Variants in DLG2 observed in about 807,000 individuals in gnomAD.
The protein encoded by DLG2 is disks large homolog 2.
DLG2 carries 45 observed loss-of-function variants against 132.5 expected under a neutral mutation model. The ratio of observed to expected loss-of-function variants is 0.34; its 90% CI spans 0.27 to 0.44. The LOEUF (loss-of-function observed/expected upper bound fraction) is 0.44. Ranked by LOEUF, DLG2 falls within the 20% of genes least tolerant of loss-of-function variation. The probability of loss-of-function intolerance (pLI) is 1.00; values close to 1 mark genes in which losing one functional copy is unlikely to be tolerated. For missense variants in DLG2, 1,045 were observed against 1,196.9 expected (o/e 0.87, Z 1.87); for synonymous variants, 424 against 419.6 (o/e 1.01, Z -0.13).
At chr11:83,491,281 T>A (rs771058543) in intron 21 of DLG2, among the ~76,000 whole-genome samples, 4 of 151,668 alleles carry the variant, frequency 2.6e-5, no homozygotes, top group Non-Finnish European at 5.9e-5. Flanking sequence ...AAAAATCAAA[T>A]CCCAACGACT....
intron 3 of DLG2, among the ~76,000 whole-genome samples, chr11:85,562,606 A>G (rs1002738019): frequency 1.3e-5 from 2 of 151,826 alleles, no homozygotes; most frequent in Non-Finnish European, 2.9e-5. Context: ...TCACTATACC[A>G]TGCTCACAGT....
intron 9 of DLG2, among the ~76,000 whole-genome samples, chr11:84,122,119 G>C (rs2093952472): frequency 6.6e-6 from 1 of 151,614 alleles, no homozygotes; most frequent in Non-Finnish European, 1.5e-5. Flanking sequence ...TTGGGAGTTT[G>C]AGACCAGCCT....
At chr11:83,505,055 T>A (rs1016845965) in intron 21 of DLG2, among the ~76,000 whole-genome samples, 1 of 152,176 alleles carries the variant, frequency 6.6e-6, no homozygotes, top group African/African-American at 2.4e-5. Flanking sequence ...GTGTGTACCA[T>A]GACAGTGGAT....
intron 6 of DLG2, among the ~76,000 whole-genome samples, chr11:84,652,565 G>T (rs2099683375): frequency 6.6e-6 from 1 of 152,064 alleles, no homozygotes; most frequent in Non-Finnish European, 1.5e-5. Flanking sequence ...TTTTTCAATA[G>T]CTTTGGGATA....
At chr11:85,017,542 A>G (rs1204164067) in intron 6 of DLG2, among the ~76,000 whole-genome samples, 1 of 152,188 alleles carries the variant, frequency 6.6e-6, no homozygotes, top group Non-Finnish European at 1.5e-5. Flanking sequence ...TATTCTTAGC[A>G]AAGAGCACAC....
Position 83,734,808 on chromosome 11 carries a change from G to C in DLG2, c.1825+51882C>G, listed in dbSNP as rs78816511. Among the ~76,000 whole-genome samples the C allele has an allele frequency of 1.6e-3, 251 of 152,178 alleles. 1 individual carries two copies. The highest frequency in any genetic ancestry group is 6.0e-3 in the African/African-American group (248 of 41,528). On this transcript the variant is annotated intron_variant, in intron 18 of 27. Transcript: ENST00000376104. ...TCAGAGGATAATGCACACAGTAAGAGTATTATTTCATGAAACATTTATGTC... is the reference window on the plus strand; with the variant it reads ...TCAGAGGATAATGCACACAGTAAGACTATTATTTCATGAAACATTTATGTC...
intron 4 of DLG2, among the ~76,000 whole-genome samples, chr11:85,210,927 C>T: frequency 6.6e-6 from 1 of 152,060 alleles, no homozygotes; most frequent in East Asian, 1.9e-4. Flanking sequence ...TTATTCCCTC[C>T]CCTTCATCTT....
chr11:85,544,871 A>G (rs1213565967), intron 3 of DLG2, among the ~76,000 whole-genome samples: 1 of 152,216 alleles, frequency 6.6e-6, no homozygotes, highest in Admixed American at 6.5e-5. Flanking sequence ...GTTGGTTATC[A>G]GCTTAAGGAG....
At chr11:85,617,593 T>A (rs2081424923) in intron 2 of DLG2, among the ~76,000 whole-genome samples, 2 of 152,258 alleles carry the variant, frequency 1.3e-5, no homozygotes, top group African/African-American at 4.8e-5. Flanking sequence ...TACACCTTTG[T>A]TGAATGGATA....
chr11:83,982,064 C>G (rs1467279892), intron 11 of DLG2, among the ~76,000 whole-genome samples: 1 of 152,066 alleles, frequency 6.6e-6, no homozygotes, highest in Admixed American at 6.6e-5. Context: ...TGTGGTGATG[C>G]AGTGTAAATG....
chr11:83,710,558 G>A (rs1011216152), intron 18 of DLG2, among the ~76,000 whole-genome samples: 1 of 152,170 alleles, frequency 6.6e-6, no homozygotes, highest in African/African-American at 2.4e-5. Context: ...GGAACAAAGA[G>A]CAGTGGTATT....
At chr11:83,959,725 C>G (rs1307569374) in intron 14 of DLG2, among the ~76,000 whole-genome samples, 2 of 151,964 alleles carry the variant, frequency 1.3e-5, no homozygotes, top group African/African-American at 4.8e-5. Flanking sequence ...CACTACCAAC[C>G]AGGGATGCAG....
chr11:85,266,066 G>A (rs1053142011), intron 4 of DLG2, among the ~76,000 whole-genome samples: 4 of 152,218 alleles, frequency 2.6e-5, no homozygotes, highest in East Asian at 3.9e-4. Context: ...TCCATGCAAC[G>A]AGGCAAAGGG....
At chr11:83,842,259 T>G (rs1251506988) in intron 16 of DLG2, among the ~76,000 whole-genome samples, 2 of 152,018 alleles carry the variant, frequency 1.3e-5, no homozygotes, top group African/African-American at 4.8e-5. Flanking sequence ...CTGTAGGCTT[T>G]CTCTCTTTAC....
At chr11:83,858,950 C>T (rs1249979551) in intron 16 of DLG2, among the ~76,000 whole-genome samples, 3 of 152,140 alleles carry the variant, frequency 2.0e-5, no homozygotes, top group Non-Finnish European at 2.9e-5. Context: ...ATGGTTTGGC[C>T]GTGTCCCCAC....
intron 16 of DLG2, among the ~76,000 whole-genome samples, chr11:83,841,687 T>C (rs114671475): frequency 1.3e-5 from 2 of 152,230 alleles, no homozygotes; most frequent in African/African-American, 4.8e-5. Context: ...TTTCATATTA[T>C]GTTTTAAGTA....
chr11:83,727,620 A>C (rs1481590305), intron 18 of DLG2, among the ~76,000 whole-genome samples: 1 of 152,138 alleles, frequency 6.6e-6, no homozygotes, highest in Non-Finnish European at 1.5e-5. Context: ...CCTGCTTCCT[A>C]TTCTGTTCAA....
At chr11:85,266,552 T>A (rs2077223614) in intron 4 of DLG2, among the ~76,000 whole-genome samples, 1 of 151,988 alleles carries the variant, frequency 6.6e-6, no homozygotes. Context: ...GGCACATGTA[T>A]ACCTATATAA....
At chr11:84,831,820 A>G (rs2079091228) in intron 6 of DLG2, among the ~76,000 whole-genome samples, 1 of 151,650 alleles carries the variant, frequency 6.6e-6, no homozygotes, top group Non-Finnish European at 1.5e-5. Flanking sequence ...TAATGTTTGA[A>G]CTATTTAGAA....
Sources: allele counts gnomAD v4.1 joint callset (sites outside exome capture counted in the v4.1 genomes callset), GRCh38; gene constraint gnomAD v4.1.1; transcripts MANE v1.5; gene names NCBI Gene and HGNC (gene_info 2026-07-23, HGNC 2026-07-21).